Variants in ANO1 observed in about 807,000 individuals in gnomAD.
ANO1 encodes the protein anoctamin-1.
A neutral mutation model predicts 124.0 loss-of-function variants in ANO1; 59 were observed. The ratio of observed to expected loss-of-function variants is 0.48; its 90% confidence interval spans 0.39 to 0.59. ANO1 has a LOEUF of 0.59. Among genes scored for constraint, ANO1 ranks in the 20% least tolerant of loss-of-function variants. The pLI is 0.00. For missense variants in ANO1, 1,059 were observed against 1,328.0 expected (o/e 0.80, Z 3.15); for synonymous variants, 529 against 532.0 (o/e 0.99, Z 0.08).
intron 25 of ANO1, 65 bp from the exon 26 acceptor site, chr11:70,187,673 G>A: frequency 6.5e-7 from 1 of 1,531,012 alleles, no homozygotes; most frequent in Non-Finnish European, 8.8e-7. Context: ...GGGCCAGGCA[G>A]AGAGGTCAGG....
chr11:70,087,156 G>A (rs766503356), intron 1 of ANO1, among the ~76,000 whole-genome samples: 10 of 152,186 alleles, frequency 6.6e-5, no homozygotes, highest in African/African-American at 9.7e-5. Flanking sequence ...TGGGTACATA[G>A]TGGGTGTATA....
In ANO1 at chr11:70,078,572, C is replaced by A; in HGVS notation, c.-35C>A. On this transcript the variant is annotated 5_prime_UTR_variant, in exon 1 of 26. Coordinates refer to ENST00000355303, the MANE Select transcript of ANO1 (RefSeq NM_018043.7). ...GCCGGGGCCGTGGATGGGGAGGGCG[C>A]GCCGCCCGGCGGTCCCAGCGCACAG... 1.4e-6 allele frequency: 2 copies of A among 1,398,102 alleles called. No individual in the cohort carries two copies. The highest frequency in any genetic ancestry group is 1.5e-5 in the African/African-American group (1 of 65,588). 86.6% of individuals were successfully genotyped at this position (1,398,102 alleles called of 1,614,324 possible). A position where few individuals can be genotyped will look rare whatever the true frequency, so the allele number is the denominator to read the frequency against.
chr11:70,035,947 C>T (rs1265991245), intron 1 of ANO1, among the ~76,000 whole-genome samples: 2 of 152,064 alleles, frequency 1.3e-5, no homozygotes, highest in Non-Finnish European at 2.9e-5. Context: ...AGGTTGATTC[C>T]AAGTCTTTGC....
At chr11:70,173,076 A>G (rs7936612) in intron 22 of ANO1, among the ~76,000 whole-genome samples, 115,897 of 152,032 alleles carry the variant, frequency 0.76, 44,271 homozygotes, top group East Asian at 0.84. Context: ...GACCAAATTC[A>G]CCAATCCTCC....
intron 11 of ANO1, 186 bp from the exon 12 acceptor site, chr11:70,149,524 G>T (rs961677624): frequency 7.9e-5 from 45 of 571,718 alleles, no homozygotes; most frequent in Non-Finnish European, 1.2e-4. Context: ...GGTGGCGCAT[G>T]CCTGTAATCC....
intron 11 of ANO1, among the ~76,000 whole-genome samples, chr11:70,147,545 C>G (rs575744345): frequency 1.3e-5 from 2 of 152,364 alleles, no homozygotes; most frequent in South Asian, 2.1e-4. Flanking sequence ...AGCTCTGCAT[C>G]ATGGGGAGGC....
chr11:70,174,634 C>T (rs1052036222), intron 22 of ANO1, among the ~76,000 whole-genome samples: 9 of 152,136 alleles, frequency 5.9e-5, no homozygotes, highest in African/African-American at 2.2e-4. Context: ...CGGGAGGAAG[C>T]CTGGGTGAAT....
At chr11:70,116,582 A>C (rs1302543567) in intron 8 of ANO1, 83 bp downstream of exon 8, 3 of 1,432,332 alleles carry the variant, frequency 2.1e-6, no homozygotes, top group Non-Finnish European at 2.9e-6. Flanking sequence ...AGCTGGACCG[A>C]GGACTTACCG....
intron 2 of ANO1, among the ~76,000 whole-genome samples, chr11:70,099,805 T>C (rs2045186623): frequency 6.6e-6 from 1 of 152,152 alleles, no homozygotes; most frequent in Non-Finnish European, 1.5e-5. Context: ...TGAGGAAATG[T>C]AGGCTCAGAG....
the ANO1 span, among the ~76,000 whole-genome samples, chr11:69,967,161 G>A: frequency 8.9e-5 from 2 of 22,394 alleles, no homozygotes; most frequent in Admixed American, 5.1e-4. Context: ...TGTATCGCAC[G>A]TTAGCTAGCA....
chr11:70,148,799 C>T (rs980150130), intron 11 of ANO1, among the ~76,000 whole-genome samples: 1 of 152,178 alleles, frequency 6.6e-6, no homozygotes, highest in South Asian at 2.1e-4. Flanking sequence ...CCCAGGGGAA[C>T]GAGGCCCCAT....
At chr11:70,053,876 T>C (rs1555006539) in intron 1 of ANO1, among the ~76,000 whole-genome samples, 1 of 152,202 alleles carries the variant, frequency 6.6e-6, no homozygotes, top group African/African-American at 2.4e-5. Context: ...TAGGACATTG[T>C]GATTGTTTAC....
At chr11:69,981,709 C>T (rs1348778084), upstream of ANO1, among the ~76,000 whole-genome samples, 3 of 152,224 alleles carry the variant, frequency 2.0e-5, no homozygotes, top group African/African-American at 7.2e-5. Flanking sequence ...GAGCTCTCTG[C>T]CCAGCCCCAC....
Position 70,170,950 on chromosome 11 carries a change from T to C in ANO1, c.2261T>C (p.Leu754Pro). The change falls in exon 22 of 26, where the codon CTG (leucine) becomes CCG (proline). Residue 754 changes from leucine to proline, a missense_variant. Physicochemically the swap from Leu to Pro is moderately conservative, Grantham distance 98. Coordinates refer to ENST00000355303, the MANE Select transcript of ANO1 (RefSeq NM_018043.7). ...ASFPLAPLFALLNNIIEIRLD... is the reference protein window; with the variant it reads ...ASFPLAPLFAPLNNIIEIRLD... Reference sequence around the variant, plus strand: ...TTCCCCCTGGCCCCACTGTTTGCGCTGCTGAACAACATCATCGAGATCCGC... The same window carrying C: ...TTCCCCCTGGCCCCACTGTTTGCGCCGCTGAACAACATCATCGAGATCCGC... 1 of 1,613,516 alleles carries C rather than the reference T, an allele frequency of 6.2e-7. No individual in the cohort carries two copies.
At chr11:70,001,826 T>A (rs1161386072) in intron 1 of ANO1, among the ~76,000 whole-genome samples, 3 of 152,136 alleles carry the variant, frequency 2.0e-5, no homozygotes, top group Non-Finnish European at 4.4e-5. Flanking sequence ...TGAGACAGAT[T>A]CTCACTCTTG....
intron 1 of ANO1, among the ~76,000 whole-genome samples, chr11:70,059,614 G>GGGGCTGCCTGCC (rs1857525733): frequency 6.6e-6 from 1 of 152,166 alleles, no homozygotes; most frequent in Non-Finnish European, 1.5e-5. Flanking sequence ...GGAAAAGGAG[G>GGGGCTGCCTGCC]AGGCCTGAGA....
At chr11:70,026,603 G>C (rs1254065555) in intron 1 of ANO1, among the ~76,000 whole-genome samples, 7 of 152,106 alleles carry the variant, frequency 4.6e-5, no homozygotes, top group African/African-American at 1.7e-4. Context: ...GGTGGTAGTG[G>C]CGACTGATAT....
At chr11:69,969,807 C>T in the ANO1 span, among the ~76,000 whole-genome samples, 2 of 152,020 alleles carry the variant, frequency 1.3e-5, no homozygotes, top group East Asian at 1.9e-4. Flanking sequence ...ATTAGCCAGG[C>T]GTGGTGGTGG....
rs1590890146 is a variant in ANO1 at position 70,161,685 on chromosome 11, T to C, written c.1844T>C (p.Phe615Ser). 2 of 1,613,982 alleles carry C rather than the reference T, an allele frequency of 1.2e-6. No individual in the cohort carries two copies. Reference protein sequence around the residue: ...RLIFKAFLLKFVNSYTPIFYV... With the variant: ...RLIFKAFLLKSVNSYTPIFYV... ...ATCTTCAAGGCTTTCCTGCTGAAGTTTGTGAATTCCTACACCCCCATCTTT... is the reference window on the plus strand; with the variant it reads ...ATCTTCAAGGCTTTCCTGCTGAAGTCTGTGAATTCCTACACCCCCATCTTT... Residue 615 changes from phenylalanine (F) to serine (S), a missense_variant, in exon 18 of 26, where the codon TTT becomes TCT. Coordinates refer to ENST00000355303, the MANE Select transcript of ANO1 (RefSeq NM_018043.7).
Sources: allele counts gnomAD v4.1 joint callset (sites outside exome capture counted in the v4.1 genomes callset), GRCh38; gene constraint gnomAD v4.1.1; transcripts MANE v1.5; gene names NCBI Gene and HGNC (gene_info 2026-07-23, HGNC 2026-07-21).